Variants in NANP observed in about 807,000 individuals in gnomAD.
NANP encodes the protein N-acetylneuraminic acid phosphatase, also known as N-acylneuraminate-9-phosphatase.
Under a neutral mutation model 16.9 loss-of-function variants are expected in NANP, and 15 were observed. That is an observed-to-expected ratio of 0.89 (90% CI 0.59 to 1.37). The LOEUF is 1.37. Among genes scored for constraint, NANP ranks in the 40% most tolerant of loss-of-function variants. NANP has a pLI of 0.00. For missense variants in NANP, 290 were observed against 303.5 expected, an observed-to-expected ratio of 0.96 and a Z score of 0.33; for synonymous variants, 135 against 112.6, an observed-to-expected ratio of 1.20 and a Z score of -1.26.
chr20:25,623,803 G>GA (rs2065378465), intron 1 of NANP, 56 bp downstream of exon 1: 2 of 1,515,616 alleles, frequency 1.3e-6, no homozygotes, highest in African/African-American at 1.4e-5. Context: ...GAGCGTGCAG[G>GA]ACGGGGCGGG....
intron 1 of NANP, among the ~76,000 whole-genome samples, chr20:25,619,284 C>T (rs2065356092): frequency 6.6e-6 from 1 of 152,052 alleles, no homozygotes; most frequent in Non-Finnish European, 1.5e-5. Context: ...CCACCATACC[C>T]AGCTAATAAA....
In NANP at chr20:25,623,848, G is replaced by A. The variant is rs2065378930; in HGVS notation, c.90+11C>T. 6.2e-7 allele frequency: 1 copy of A among 1,611,762 alleles called. No homozygotes were observed. The highest frequency in any genetic ancestry group is 8.5e-7 in the Non-Finnish European group (1 of 1,178,914). ...CCCCGCCCAGAGGAGCGCCATGGGT[G>A]GGGACGTTACCTCCAACATGCCTCT... On this transcript the variant is annotated intron_variant, in intron 1 of 1. Transcript: ENST00000304788.
chr20:25,623,929 C>G lies in NANP; in HGVS notation c.20G>C (p.Arg7Pro). The change falls in exon 1 of 2, where the codon CGG becomes CCG. Residue 7 changes from arginine to proline, a missense_variant. Arg to Pro is a moderately radical substitution (Grantham distance 103). Coordinates refer to ENST00000304788, the MANE Select transcript of NANP (RefSeq NM_152667.3). ...GTTGTCCAAGTCAAAGAAAACCGCC[C>G]GCACGCGGCTCAGCCCCATAGCGCC... MGLSRV[R>P]AVFFDLDNTL... is the part of the protein sequence containing the mutation. 3 of 1,613,374 alleles carry G rather than the reference C, an allele frequency of 1.9e-6. No individual in the cohort carries two copies. Among genetic ancestry groups the G allele is most frequent in the Non-Finnish European group, 2.5e-6 (3 of 1,179,796 alleles).
intron 1 of NANP, 33 bp downstream of exon 1, chr20:25,623,826 C>T (rs2065378661): frequency 1.3e-6 from 2 of 1,599,228 alleles, no homozygotes; most frequent in South Asian, 1.1e-5. Flanking sequence ...GCACTGACCC[C>T]GCCCAGAGGA....
At chr20:25,619,561 T>C (rs986119974) in intron 1 of NANP, among the ~76,000 whole-genome samples, 2 of 152,140 alleles carry the variant, frequency 1.3e-5, no homozygotes, top group African/African-American at 4.8e-5. Flanking sequence ...AAGAAAAATA[T>C]ACCAGCCCTA....
rs1229371306 is a variant in NANP at position 25,614,972 on chromosome 20, G to A, written c.*953C>T. ...ATGGCACTCCAACCTGGGCGACAGAGATCCCATTTCAAAAAAAAAAAGGAA... is the reference window on the plus strand; with the variant it reads ...ATGGCACTCCAACCTGGGCGACAGAAATCCCATTTCAAAAAAAAAAAGGAA... On this transcript the variant is annotated 3_prime_UTR_variant, in exon 2 of 2. Transcript: ENST00000304788. 1 of 151,686 alleles carries A rather than the reference G, an allele frequency of 6.6e-6. No homozygotes were observed. The highest frequency in any genetic ancestry group is 1.5e-5 in the Non-Finnish European group (1 of 68,004). 9.4% of individuals were successfully genotyped at this position (151,686 alleles called of 1,614,324 possible).
chr20:25,615,969 C>T lies in NANP; in HGVS notation c.703G>A (p.Ala235Thr), dbSNP rs754271699. The T allele has an allele frequency of 3.7e-6, 6 of 1,613,946 alleles. No individual in the cohort carries two copies. Among genetic ancestry groups the T allele is most frequent in the Admixed American group, 1.7e-5 (1 of 60,006 alleles). Residue 235 changes from alanine (A) to threonine (T), a missense_variant, in exon 2 of 2, where the codon GCT becomes ACT. Transcript: ENST00000304788. Reference sequence around the variant, plus strand: ...TTGCAGTCTATACTTTGTAAGAGAGCAGGTAACTCTAGCACAGAAGAAACC... The same window carrying T: ...TTGCAGTCTATACTTTGTAAGAGAGTAGGTAACTCTAGCACAGAAGAAACC... ...YMVSSVLELP[A>T]LLQSIDCKVS...
In NANP at chr20:25,623,972, G is replaced by A. The variant is rs577785927; in HGVS notation, c.-24C>T. 20 of 1,608,060 alleles carry A rather than the reference G, an allele frequency of 1.2e-5. No individual in the cohort carries two copies. In the East Asian group the frequency reaches 2.2e-4, roughly 18 times the overall value. On this transcript the variant is annotated 5_prime_UTR_variant, in exon 1 of 2. It adds an upstream start codon to the 5' untranslated region. Coordinates refer to ENST00000304788, the MANE Select transcript of NANP (RefSeq NM_152667.3). ...ATAGCGCCGGCCGCTGGCGCGAACC[G>A]TAGCCTTGCCACCGCCGCCTGCGCA...
chr20:25,622,543 TTG>T (rs2065369313), intron 1 of NANP, among the ~76,000 whole-genome samples: 1 of 152,188 alleles, frequency 6.6e-6, no homozygotes, highest in East Asian at 1.9e-4. Context: ...AATAATTTAA[TTG>T]AAATGCACAG....
rs771562436 is a variant in NANP, at chr20:25,616,140, C to T, written c.532G>A (p.Gly178Arg). The T allele has an allele frequency of 4.3e-5, 70 of 1,613,968 alleles. No individual in the cohort carries two copies. The highest frequency in any genetic ancestry group is 1.6e-4 in the African/African-American group (12 of 74,874). ...ATCACACAGTCCCCAGGTTGTACTCCGAGAAGATTGCAGCAGTAATAAAAT... is the reference window on the plus strand; with the variant it reads ...ATCACACAGTCCCCAGGTTGTACTCTGAGAAGATTGCAGCAGTAATAAAAT... ...SIFYYCCNLL[G>R]VQPGDCVMVG... The change falls in exon 2 of 2, where the codon GGA becomes AGA. Residue 178 changes from glycine to arginine, a missense_variant. Coordinates refer to ENST00000304788, the MANE Select transcript of NANP (RefSeq NM_152667.3).
chr20:25,623,159 G>C (rs964944569), intron 1 of NANP, among the ~76,000 whole-genome samples: 2 of 152,224 alleles, frequency 1.3e-5, no homozygotes, highest in African/African-American at 4.8e-5. Context: ...AGGGAAGCCG[G>C]GGTGGACTGG....
Position 25,622,656 on chromosome 20 carries a change from A to G in NANP, c.90+1203T>C, listed in dbSNP as rs532788941. Among the ~76,000 whole-genome samples the G allele has an allele frequency of 2.6e-5, 4 of 152,384 alleles. No homozygotes were observed. In the East Asian group the frequency reaches 7.7e-4, roughly 29 times the overall value. On this transcript the variant is annotated intron_variant, in intron 1 of 1. Transcript: ENST00000304788. ...GGTGGCACCCCTGAGGTGGAGGCCAACAAGTTAAAAGTGTGGAATGCCTCA... is the reference window on the plus strand; with the variant it reads ...GGTGGCACCCCTGAGGTGGAGGCCAGCAAGTTAAAAGTGTGGAATGCCTCA...
intron 1 of NANP, among the ~76,000 whole-genome samples, 171 bp downstream of exon 1, chr20:25,623,688 C>T (rs1420730146): frequency 1.3e-5 from 2 of 152,152 alleles, no homozygotes; most frequent in Non-Finnish European, 2.9e-5. Context: ...AGCAGACCCG[C>T]AGGGCCCGCG....
chr20:25,616,188 C>G lies in NANP; in HGVS notation c.484G>C (p.Glu162Gln). The G allele has an allele frequency of 6.2e-7, 1 of 1,614,134 alleles. No individual in the cohort carries two copies. Among genetic ancestry groups the G allele is most frequent in the Non-Finnish European group, 8.5e-7 (1 of 1,180,028 alleles). Residue 162 changes from glutamate (E) to glutamine (Q), a missense_variant, in exon 2 of 2, where the codon GAG becomes CAG. Transcript: ENST00000304788. The part of the protein sequence containing the change: ...DAVVVGGEQR[E>Q]EKPAPSIFYY... ...AATATGGACGGTGCTGGTTTCTCCT[C>G]TCTCTGCTCTCCACCTACAACAACA...
In NANP at chr20:25,623,930, G is replaced by T; in HGVS notation, c.19C>A (p.Arg7=). 1.2e-6 allele frequency: 2 copies of T among 1,613,228 alleles called. No individual in the cohort carries two copies. Among genetic ancestry groups the T allele is most frequent in the South Asian group, 1.1e-5 (1 of 91,060 alleles). MGLSRV[R]AVFFDLDNTL... is the part of the protein sequence containing the mutation. ...TTGTCCAAGTCAAAGAAAACCGCCC[G>T]CACGCGGCTCAGCCCCATAGCGCCG... The change falls in exon 1 of 2, where the codon CGG becomes AGG. Residue 7 remains arginine (R), a synonymous_variant. Coordinates refer to ENST00000304788, the MANE Select transcript of NANP (RefSeq NM_152667.3).
Position 25,616,007 on chromosome 20 carries a change from A to C in NANP, c.665T>G (p.Val222Gly). The C allele has an allele frequency of 6.2e-7, 1 of 1,614,220 alleles. No homozygotes were observed. The highest frequency in any genetic ancestry group is 1.1e-5 in the South Asian group (1 of 91,086). The change falls in exon 2 of 2, where the codon GTT becomes GGT. Residue 222 changes from valine to glycine, a missense_variant. By Grantham distance (109) the Val-to-Gly change is moderately radical. Coordinates refer to ENST00000304788, the MANE Select transcript of NANP (RefSeq NM_152667.3). ...CACAGAAGAAACCATGTAATGCGGA[A>C]CTGGGGAGGACTTCAGTGGCACTAT... The part of the protein sequence containing the change: ...NGIVPLKSSP[V>G]PHYMVSSVLE...
At position 25,623,958 on chromosome 20, in the gene NANP, C is replaced by T. The variant is rs756643403; in HGVS notation, c.-10G>A. 2 of 1,611,536 alleles carry T rather than the reference C, an allele frequency of 1.2e-6. No individual in the cohort carries two copies. The highest frequency in any genetic ancestry group is 1.7e-6 in the Non-Finnish European group (2 of 1,179,332). ...CGCGGCTCAGCCCCATAGCGCCGGCCGCTGGCGCGAACCGTAGCCTTGCCA... is the reference window on the plus strand; with the variant it reads ...CGCGGCTCAGCCCCATAGCGCCGGCTGCTGGCGCGAACCGTAGCCTTGCCA... On this transcript the variant is annotated 5_prime_UTR_variant, in exon 1 of 2. Transcript: ENST00000304788.
chr20:25,617,324 G>A, intron 1 of NANP, among the ~76,000 whole-genome samples: 1 of 152,138 alleles, frequency 6.6e-6, no homozygotes, highest in East Asian at 1.9e-4. Context: ...AGATTCTCCT[G>A]CTTTAGCCTC....
At chr20:25,623,167 T>G (rs1430686749) in intron 1 of NANP, among the ~76,000 whole-genome samples, 7 of 151,926 alleles carry the variant, frequency 4.6e-5, no homozygotes, top group Non-Finnish European at 1.5e-5. Context: ...CGGGGTGGAC[T>G]GGGGCTGGAA....
Sources: allele counts gnomAD v4.1 joint callset (sites outside exome capture counted in the v4.1 genomes callset), GRCh38; gene constraint gnomAD v4.1.1; transcripts MANE v1.5; gene names NCBI Gene and HGNC (gene_info 2026-07-23, HGNC 2026-07-21).